FAM204A: variants seen among roughly 807,000 people sequenced by gnomAD.
FAM204A encodes the protein family with sequence similarity 204 member A.
Under a neutral mutation model 35.4 loss-of-function variants are expected in FAM204A, and 16 were observed. The observed-to-expected ratio is 0.45, with a 90% CI of 0.31 to 0.69. FAM204A has a LOEUF of 0.69. Among genes scored for constraint, FAM204A ranks in the 30% least tolerant of loss-of-function variants. The pLI is 0.07. For synonymous variants in FAM204A, 76 were observed against 86.9 expected (o/e 0.88, Z 0.70); for missense variants, 240 against 265.7 (o/e 0.90, Z 0.67).
In FAM204A at chr10:118,335,652, G is replaced by GA. The variant is rs542965346; in HGVS notation, c.235-12dup. On this transcript the variant is annotated splice_polypyrimidine_tract_variant and intron_variant, in intron 3 of 8. Coordinates refer to ENST00000369183, the MANE Select transcript of FAM204A (RefSeq NM_022063.3). ...CAATTCTTGAAATTTCTATGTAAAA[G>GA]AAAAAAAAATTGAGAAGCAAATATA... 3.2e-4 allele frequency: 491 copies of GA among 1,556,514 alleles called. No individual in the cohort carries two copies. Among genetic ancestry groups the GA allele is most frequent in the Non-Finnish European group, 3.7e-4 (423 of 1,150,334 alleles).
Position 118,310,691 on chromosome 10 carries a change from A to G in FAM204A, c.*166T>C, listed in dbSNP as rs1845939414. On this transcript the variant is annotated 3_prime_UTR_variant, in exon 9 of 9. Coordinates refer to ENST00000369183, the MANE Select transcript of FAM204A (RefSeq NM_022063.3). ...TTCATTTTATTCACTTCAATAGGAC[A>G]AAGTCCTTAAAGAAAGACTGAAAAG... The G allele has an allele frequency of 1.6e-6, 1 of 623,788 alleles. No individual in the cohort carries two copies. The highest frequency in any genetic ancestry group is 1.9e-5 in the South Asian group (1 of 52,156). 38.6% of individuals were successfully genotyped at this position (623,788 alleles called of 1,614,324 possible).
At chr10:118,332,893 TAGTGAAATTAATG>T (rs1285175950) in intron 6 of FAM204A, among the ~76,000 whole-genome samples, 2 of 152,208 alleles carry the variant, frequency 1.3e-5, no homozygotes, top group Non-Finnish European at 2.9e-5. Context: ...GAGACATTTA[TAGTGAAATTAATG>T]AGTGAAATTT....
At chr10:118,329,516 T>C (rs1187152118) in intron 6 of FAM204A, among the ~76,000 whole-genome samples, 1 of 152,186 alleles carries the variant, frequency 6.6e-6, no homozygotes, top group East Asian at 1.9e-4. Flanking sequence ...TCACGTCGAA[T>C]GTTACCTTCT....
Position 118,301,050 on chromosome 10 carries a change from C to T in FAM204A, c.*9807G>A, listed in dbSNP as rs1845803395. On this transcript the variant is annotated 3_prime_UTR_variant, in exon 9 of 9. Transcript: ENST00000369183. The stretch of plus-strand genomic sequence containing the variant: ...AGCATCCACAGCCTACATTCAAACC[C>T]AAGTTTCATTCCAAAGCTTTGCTTT... The T allele has an allele frequency of 1.3e-5, 2 of 152,274 alleles. No homozygotes were observed. Among genetic ancestry groups the T allele is most frequent in the South Asian group, 2.1e-4 (1 of 4,822 alleles). The allele number at this position is 152,274 out of a possible 1,614,324, so 9.4% of individuals were successfully genotyped here.
intron 6 of FAM204A, among the ~76,000 whole-genome samples, chr10:118,332,931 C>T (rs1339312471): frequency 1.3e-5 from 2 of 152,080 alleles, no homozygotes; most frequent in African/African-American, 4.8e-5. Context: ...TAAAGAAATT[C>T]CCACAGATTC....
In FAM204A at chr10:118,304,624, G is replaced by A. The variant is rs1016205592; in HGVS notation, c.*6233C>T. 2.6e-5 allele frequency: 4 copies of A among 152,240 alleles called. No homozygotes were observed. The highest frequency in any genetic ancestry group is 9.7e-5 in the African/African-American group (4 of 41,430). 9.4% of individuals were successfully genotyped at this position (152,240 alleles called of 1,614,324 possible). ...CGTTCCTTCTACCTAGGATGCACTC[G>A]CTTCTACTCGCCTACCTGGTAAAGT... On this transcript the variant is annotated 3_prime_UTR_variant, in exon 9 of 9. Transcript: ENST00000369183.
At chr10:118,337,613 T>C (rs926117628) in intron 2 of FAM204A, among the ~76,000 whole-genome samples, 1 of 152,196 alleles carries the variant, frequency 6.6e-6, no homozygotes, top group African/African-American at 2.4e-5. Flanking sequence ...TTCTGTTGGC[T>C]TTTTATGAGG....
Position 118,298,879 on chromosome 10 carries a change from T to G in FAM204A, c.*11978A>C, listed in dbSNP as rs1415602994. 2.0e-5 allele frequency: 3 copies of G among 152,186 alleles called. No homozygotes were observed. The highest frequency in any genetic ancestry group is 2.9e-5 in the Non-Finnish European group (2 of 68,034). 9.4% of individuals were successfully genotyped at this position (152,186 alleles called of 1,614,324 possible). A position where few individuals can be genotyped will look rare whatever the true frequency, so the allele number is the denominator to read the frequency against. On this transcript the variant is annotated 3_prime_UTR_variant, in exon 9 of 9. Coordinates refer to ENST00000369183, the MANE Select transcript of FAM204A (RefSeq NM_022063.3). ...TTGCACCGTTAATTCTCTGTTGCAT[T>G]ACCTATCCTGTTTAAAAAAATAAAA...
chr10:118,336,046 A>C, intron 3 of FAM204A, 136 bp downstream of exon 3: 1 of 999,294 alleles, frequency 1.0e-6, no homozygotes, highest in East Asian at 2.5e-5. Flanking sequence ...GCCTCAGAGA[A>C]CAGTAAAAGC....
At chr10:118,313,871 T>C (rs1845990525) in intron 7 of FAM204A, among the ~76,000 whole-genome samples, 1 of 152,170 alleles carries the variant, frequency 6.6e-6, no homozygotes, top group South Asian at 2.1e-4. Flanking sequence ...TTTTTCTCAT[T>C]GGAATTTCCC....
In FAM204A at chr10:118,307,040, A is replaced by G. The variant is rs1845874163; in HGVS notation, c.*3817T>C. 6.6e-6 allele frequency: 1 copy of G among 152,316 alleles called. No individual in the cohort carries two copies. The highest frequency in any genetic ancestry group is 2.1e-4 in the South Asian group (1 of 4,826). The allele number at this position is 152,316 out of a possible 1,614,324, so 9.4% of individuals were successfully genotyped here. ...GTCTCAGTATCCTACAAAGGCCAAG[A>G]ATATATATTGATAAATTTATTCTAA... On this transcript the variant is annotated 3_prime_UTR_variant, in exon 9 of 9. Transcript: ENST00000369183.
chr10:118,311,190 A>G lies in FAM204A; in HGVS notation c.650+17T>C. Reference sequence around the variant, plus strand: ...GAAGTCAGGAGATTTACTACCAAAAATCTTAAGTAAACTCACCCCCATGCA... The same window carrying G: ...GAAGTCAGGAGATTTACTACCAAAAGTCTTAAGTAAACTCACCCCCATGCA... On this transcript the variant is annotated intron_variant, in intron 8 of 8. Transcript: ENST00000369183. The G allele has an allele frequency of 6.3e-7, 1 of 1,597,866 alleles. No individual in the cohort carries two copies. Among genetic ancestry groups the G allele is most frequent in the Non-Finnish European group, 8.5e-7 (1 of 1,173,680 alleles).
At chr10:118,327,762 G>A (rs1163959671) in intron 6 of FAM204A, among the ~76,000 whole-genome samples, 1 of 152,178 alleles carries the variant, frequency 6.6e-6, no homozygotes, top group African/African-American at 2.4e-5. Flanking sequence ...GTAAAGATAA[G>A]GAGCTTGTGC....
intron 7 of FAM204A, 62 bp from the exon 8 acceptor site, chr10:118,311,375 C>T (rs2133263615): frequency 3.1e-6 from 4 of 1,279,402 alleles, no homozygotes; most frequent in African/African-American, 3.0e-5. Context: ...ACAGTAATTA[C>T]ACTTATACAA....
rs1255346401 is a variant in FAM204A at position 118,335,209 on chromosome 10, G to T, written c.358C>A (p.Pro120Thr). The change falls in exon 6 of 9, where the codon CCG (proline) becomes ACG (threonine). Residue 120 changes from proline to threonine, a missense_variant. Around this residue, in one of 2 missense-constraint regions of FAM204A, gnomAD observed 232 missense variants for 242.8 expected, o/e 0.96. Coordinates refer to ENST00000369183, the MANE Select transcript of FAM204A (RefSeq NM_022063.3). ...LKNEKELHSEPSSNETQWKEL... is the reference protein window; with the variant it reads ...LKNEKELHSETSSNETQWKEL... ...TTCCACTGGGTTTCATTTGAGGACG[G>T]TTCACTAAAAGAAGATAGTAAGTTT... 3 of 1,611,990 alleles carry T rather than the reference G, an allele frequency of 1.9e-6. No homozygotes were observed. The highest frequency in any genetic ancestry group is 2.5e-6 in the Non-Finnish European group (3 of 1,179,154).
rs1845783803 is a variant in FAM204A, at chr10:118,299,398, T to G, written c.*11459A>C. Reference sequence around the variant, plus strand: ...CCTTTCTGCTTCCAGAAGGTTTTTTTTTTTTTTTTTTTTTTGAGACAGGGT... The same window carrying G: ...CCTTTCTGCTTCCAGAAGGTTTTTTGTTTTTTTTTTTTTTTGAGACAGGGT... On this transcript the variant is annotated 3_prime_UTR_variant, in exon 9 of 9. Coordinates refer to ENST00000369183, the MANE Select transcript of FAM204A (RefSeq NM_022063.3). 1.4e-5 allele frequency: 2 copies of G among 144,304 alleles called. No individual in the cohort carries two copies. The highest frequency in any genetic ancestry group is 4.6e-4 in the South Asian group (2 of 4,328). The allele number at this position is 144,304 out of a possible 1,614,324, so 8.9% of individuals were successfully genotyped here.
rs1232988512 is a variant in FAM204A at position 118,300,313 on chromosome 10, T to C, written c.*10544A>G. ...GGAAAACTTGGCTTTCAAAAAAATATACTGAGGATGATTTAATGCAGAAAT... is the reference window on the plus strand; with the variant it reads ...GGAAAACTTGGCTTTCAAAAAAATACACTGAGGATGATTTAATGCAGAAAT... On this transcript the variant is annotated 3_prime_UTR_variant, in exon 9 of 9. Coordinates refer to ENST00000369183, the MANE Select transcript of FAM204A (RefSeq NM_022063.3). 1.3e-5 allele frequency: 2 copies of C among 152,174 alleles called. No individual in the cohort carries two copies. The highest frequency in any genetic ancestry group is 1.9e-4 in the East Asian group (1 of 5,204). The allele number at this position is 152,174 out of a possible 1,614,324, so 9.4% of individuals were successfully genotyped here. A position where few individuals can be genotyped will look rare whatever the true frequency, so the allele number is the denominator to read the frequency against.
chr10:118,311,367 A>T, intron 7 of FAM204A, 54 bp from the exon 8 acceptor site: 1 of 1,353,726 alleles, frequency 7.4e-7, no homozygotes, highest in Non-Finnish European at 1.0e-6. Context: ...CAGCTAATAC[A>T]GTAATTACAC....
At chr10:118,327,818 C>T (rs1331870702) in intron 6 of FAM204A, among the ~76,000 whole-genome samples, 4 of 152,056 alleles carry the variant, frequency 2.6e-5, no homozygotes, top group South Asian at 2.1e-4. Context: ...TTGTACTGGC[C>T]GGCATGTTGA....
Sources: allele counts gnomAD v4.1 joint callset (sites outside exome capture counted in the v4.1 genomes callset), GRCh38; gene constraint gnomAD v4.1.1; regional missense constraint gnomAD v4.1.1; transcripts MANE v1.5; gene names NCBI Gene and HGNC (gene_info 2026-07-23, HGNC 2026-07-21).